HACD2: variants seen among roughly 807,000 people sequenced by gnomAD.
HACD2 encodes the protein 3-hydroxyacyl-CoA dehydratase 2, also known as very-long-chain (3R)-3-hydroxyacyl-CoA dehydratase 2.
A neutral mutation model predicts 31.0 loss-of-function variants in HACD2; 15 were observed. The ratio of observed to expected loss-of-function variants is 0.48; its 90% confidence interval spans 0.32 to 0.75. HACD2 has a LOEUF of 0.75. Ranked by LOEUF, HACD2 falls within the 30% of genes least tolerant of loss-of-function variation. The probability of loss-of-function intolerance (pLI) is 0.03; values close to 1 mark genes in which losing one functional copy is unlikely to be tolerated. For synonymous variants in HACD2, 115 were observed against 122.2 expected, an observed-to-expected ratio of 0.94 and a Z score of 0.39; for missense variants, 283 against 313.0, an observed-to-expected ratio of 0.90 and a Z score of 0.72.
intron 3 of HACD2, among the ~76,000 whole-genome samples, chr3:123,545,888 T>A (rs2056554307): frequency 6.6e-6 from 1 of 151,788 alleles, no homozygotes; most frequent in Admixed American, 6.6e-5. Flanking sequence ...ACTTTTGTAT[T>A]TTAGTAGAGA....
At chr3:123,524,282 A>C (rs978877893) in intron 4 of HACD2, among the ~76,000 whole-genome samples, 3 of 152,232 alleles carry the variant, frequency 2.0e-5, no homozygotes, top group Admixed American at 6.5e-5. Flanking sequence ...GACATTCTGT[A>C]TCAAGTGTAA....
At chr3:123,561,793 A>G (rs1427607950) in intron 3 of HACD2, among the ~76,000 whole-genome samples, 2 of 151,472 alleles carry the variant, frequency 1.3e-5, no homozygotes, top group African/African-American at 2.4e-5. Flanking sequence ...AAAAAAAAAC[A>G]TATCTCAGGG....
intron 3 of HACD2, among the ~76,000 whole-genome samples, chr3:123,556,045 A>T (rs1178301450): frequency 6.6e-6 from 1 of 152,192 alleles, no homozygotes; most frequent in African/African-American, 2.4e-5. Context: ...CCTTTCACAA[A>T]AATTAACTCA....
At chr3:123,495,524 G>A (rs556210692) in intron 6 of HACD2, among the ~76,000 whole-genome samples, 28 of 151,632 alleles carry the variant, frequency 1.8e-4, no homozygotes, top group Non-Finnish European at 2.9e-4. Context: ...AAGTAGTTTC[G>A]GGTAAAGACT....
At chr3:123,541,929 C>T (rs1022299761) in intron 3 of HACD2, among the ~76,000 whole-genome samples, 3 of 151,718 alleles carry the variant, frequency 2.0e-5, no homozygotes, top group Non-Finnish European at 2.9e-5. Context: ...GGGCGGATCA[C>T]GAGGTCAGGA....
At chr3:123,563,206 A>G (rs1371230484) in intron 3 of HACD2, among the ~76,000 whole-genome samples, 2 of 152,224 alleles carry the variant, frequency 1.3e-5, no homozygotes, top group African/African-American at 4.8e-5. Flanking sequence ...TTGTGAAGGT[A>G]TAATACCGAG....
intron 4 of HACD2, among the ~76,000 whole-genome samples, chr3:123,515,753 TG>T (rs1431367098): frequency 1.3e-5 from 2 of 151,968 alleles, no homozygotes; most frequent in African/African-American, 4.8e-5. Flanking sequence ...ATGAGTATGT[TG>T]GGGTTTTTTG....
Position 123,582,236 on chromosome 3 carries a change from G to T in HACD2, c.249C>A (p.Phe83Leu), listed in dbSNP as rs1559939528. The change falls in exon 2 of 7, where the codon TTC becomes TTA. Residue 83 changes from phenylalanine (F) to leucine (L), a missense_variant. Coordinates refer to ENST00000383657, the MANE Select transcript of HACD2 (RefSeq NM_198402.5). ...LYYSIEKPLK[F>L]FQTGALLEIL... is the part of the protein sequence containing the mutation. The stretch of plus-strand genomic sequence containing the variant: ...CCTCCAATAAGGCTCCAGTTTGAAA[G>T]AATTTCAAAGGCTTTTCAATTGAAT... The T allele has an allele frequency of 6.3e-7, 1 of 1,597,060 alleles. No individual in the cohort carries two copies. Among genetic ancestry groups the T allele is most frequent in the Non-Finnish European group, 8.5e-7 (1 of 1,171,234 alleles).
intron 3 of HACD2, among the ~76,000 whole-genome samples, chr3:123,557,590 G>A (rs2056685842): frequency 6.6e-6 from 1 of 152,210 alleles, no homozygotes; most frequent in Non-Finnish European, 1.5e-5. Flanking sequence ...AGTGAGCTAT[G>A]ATTGCTCCAC....
intron 2 of HACD2, among the ~76,000 whole-genome samples, chr3:123,578,083 G>A (rs1006863415): frequency 6.6e-6 from 1 of 152,068 alleles, no homozygotes; most frequent in Non-Finnish European, 1.5e-5. Context: ...TGTCACTATG[G>A]ATTTGCCTAT....
At chr3:123,504,911 G>C (rs1056137664) in intron 4 of HACD2, among the ~76,000 whole-genome samples, 2 of 152,000 alleles carry the variant, frequency 1.3e-5, no homozygotes, top group Non-Finnish European at 2.9e-5. Flanking sequence ...AAACCAGCAT[G>C]ATCAATGAGA....
intron 3 of HACD2, among the ~76,000 whole-genome samples, chr3:123,539,029 A>G (rs1559917662): frequency 6.6e-6 from 1 of 152,176 alleles, no homozygotes; most frequent in African/African-American, 2.4e-5. Flanking sequence ...TACATAAGCA[A>G]TTCTACTTCA....
intron 3 of HACD2, among the ~76,000 whole-genome samples, chr3:123,538,645 A>G (rs76283046): frequency 2.0e-5 from 3 of 152,198 alleles, no homozygotes; most frequent in Admixed American, 6.5e-5. Context: ...CTAGTGGTCA[A>G]CTTACTCAAA....
In HACD2 at chr3:123,551,424, G is replaced by A. The variant is rs138257513; in HGVS notation, c.292+16338C>T. Among the ~76,000 whole-genome samples, 550 of 152,088 alleles carry A rather than the reference G, an allele frequency of 3.6e-3. 3 individuals are homozygous for A. Among genetic ancestry groups the A allele is most frequent in the African/African-American group, 0.013 (523 of 41,486 alleles). ...ATTTGAAGTCAGGAGTTCGAAACCA[G>A]CCTGGCCAACATGGTGAATCCCCAT... On this transcript the variant is annotated intron_variant, in intron 3 of 6. Transcript: ENST00000383657.
intron 2 of HACD2, among the ~76,000 whole-genome samples, chr3:123,577,299 C>A (rs1282969498): frequency 6.6e-6 from 1 of 152,162 alleles, no homozygotes; most frequent in African/African-American, 2.4e-5. Context: ...CACTGTCAAT[C>A]ACAGAGGCAT....
chr3:123,564,139 C>T (rs2056767084), intron 3 of HACD2, among the ~76,000 whole-genome samples: 1 of 152,212 alleles, frequency 6.6e-6, no homozygotes, highest in Non-Finnish European at 1.5e-5. Flanking sequence ...GCAGCCCTGA[C>T]AGACAGAATA....
chr3:123,514,715 A>G (rs565904542), intron 4 of HACD2, among the ~76,000 whole-genome samples: 33 of 152,304 alleles, frequency 2.2e-4, no homozygotes, highest in Non-Finnish European at 3.7e-4. Flanking sequence ...AAGGTCACAA[A>G]CTTGCTTTGA....
Position 123,528,300 on chromosome 3 carries a change from T to G in HACD2, c.381+86A>C, listed in dbSNP as rs1428882624. 6.0e-6 allele frequency: 5 copies of G among 826,466 alleles called. No homozygotes were observed. The Admixed American group carries it at 9.0e-5, about 15-fold the overall frequency. 51.2% of individuals were successfully genotyped at this position (826,466 alleles called of 1,614,324 possible). Reference sequence around the variant, plus strand: ...ATGACCTGGAACTCTGACCTGGAACTCTTTAGCCATAACAAACATGTGAAT... The same window carrying G: ...ATGACCTGGAACTCTGACCTGGAACGCTTTAGCCATAACAAACATGTGAAT... On this transcript the variant is annotated intron_variant, in intron 4 of 6. Coordinates refer to ENST00000383657, the MANE Select transcript of HACD2 (RefSeq NM_198402.5).
intron 3 of HACD2, among the ~76,000 whole-genome samples, chr3:123,543,170 C>A (rs377095797): frequency 2.6e-5 from 4 of 152,278 alleles, no homozygotes; most frequent in Non-Finnish European, 2.9e-5. Flanking sequence ...GGATTTCCCC[C>A]CCTCAAAATG....
Sources: allele counts gnomAD v4.1 joint callset (sites outside exome capture counted in the v4.1 genomes callset), GRCh38; gene constraint gnomAD v4.1.1; transcripts MANE v1.5; gene names NCBI Gene and HGNC (gene_info 2026-07-23, HGNC 2026-07-21).